Variants in PCDH15 observed in about 807,000 individuals in gnomAD.
The protein encoded by PCDH15 is protocadherin related 15, also known as protocadherin-15.
In PCDH15, 129 loss-of-function variants were observed where a neutral mutation model predicts 178.5. The observed-to-expected ratio is 0.72, with a 90% CI of 0.63 to 0.84. The LOEUF is 0.84. Among genes scored for constraint, PCDH15 ranks in the 40% least tolerant of loss-of-function variants. The pLI is 0.00. For synonymous variants in PCDH15, 800 were observed against 732.0 expected, an observed-to-expected ratio of 1.09 and a Z score of -1.50; for missense variants, 2,230 against 2,099.9, an observed-to-expected ratio of 1.06 and a Z score of -1.21.
At chr10:54,064,029 G>A (rs1224959569) in intron 18 of PCDH15, among the ~76,000 whole-genome samples, 2 of 152,176 alleles carry the variant, frequency 1.3e-5, no homozygotes, top group South Asian at 4.1e-4. Context: ...TGGGTCCCGA[G>A]TTTTTGGCCC....
At chr10:54,544,439 T>C (rs1431456427) in intron 2 of PCDH15, among the ~76,000 whole-genome samples, 2 of 150,056 alleles carry the variant, frequency 1.3e-5, no homozygotes, top group East Asian at 3.9e-4. Flanking sequence ...ATGTATAACA[T>C]ATGATGTGGA....
At chr10:53,869,559 C>T (rs1019415183) in intron 26 of PCDH15, among the ~76,000 whole-genome samples, 19 of 151,974 alleles carry the variant, frequency 1.3e-4, no homozygotes, top group African/African-American at 3.4e-4. Context: ...AAAGGAATAA[C>T]AAACATGCAA....
chr10:55,374,388 T>C (rs1295639251), intron 2 of PCDH15, among the ~76,000 whole-genome samples: 1 of 152,132 alleles, frequency 6.6e-6, no homozygotes, highest in Non-Finnish European at 1.5e-5. Flanking sequence ...TTTCTCTATG[T>C]GTGTAAAGCT....
At chr10:54,833,190 G>A (rs1953255211) in intron 3 of PCDH15, among the ~76,000 whole-genome samples, 2 of 152,058 alleles carry the variant, frequency 1.3e-5, no homozygotes, top group South Asian at 4.1e-4. Flanking sequence ...CTTTCAAGAA[G>A]AGTTTGGAAC....
Position 54,329,580 on chromosome 10 carries a change from G to T in PCDH15, c.705+16C>A. On this transcript the variant is annotated intron_variant, in intron 7 of 37. Coordinates refer to ENST00000644397, the MANE Select transcript of PCDH15 (RefSeq NM_001384140.1). Reference sequence around the variant, plus strand: ...ATAAATTCACAGAAGAAATTTAAAAGAAATTGAATACTCACATTAGCTTGG... The same window carrying T: ...ATAAATTCACAGAAGAAATTTAAAATAAATTGAATACTCACATTAGCTTGG... The T allele has an allele frequency of 1.3e-6, 2 of 1,531,324 alleles. No individual in the cohort carries two copies. The highest frequency in any genetic ancestry group is 9.0e-7 in the Non-Finnish European group (1 of 1,105,746). 94.9% of individuals were successfully genotyped at this position (1,531,324 alleles called of 1,614,324 possible). A position where few individuals can be genotyped will look rare whatever the true frequency, so the allele number is the denominator to read the frequency against.
chr10:54,779,486 ATGTATATATATACACACATATATGTG>A, intron 1 of PCDH15, among the ~76,000 whole-genome samples: 1 of 13,478 alleles, frequency 7.4e-5, no homozygotes, highest in Admixed American at 8.4e-4. Flanking sequence ...ACACATATAT[ATGTATATATATACACACATATATGTG>A]TGTATATATA....
At chr10:54,734,954 A>G (rs1943889232) in intron 1 of PCDH15, among the ~76,000 whole-genome samples, 1 of 152,012 alleles carries the variant, frequency 6.6e-6, no homozygotes, top group Non-Finnish European at 1.5e-5. Context: ...TGGTTACAAG[A>G]CTACATGTTT....
At chr10:54,987,313 C>A (rs1839396315) in intron 2 of PCDH15, among the ~76,000 whole-genome samples, 1 of 152,078 alleles carries the variant, frequency 6.6e-6, no homozygotes, top group South Asian at 2.1e-4. Flanking sequence ...GTGAAGAGTG[C>A]TGCAATAAAC....
intron 2 of PCDH15, among the ~76,000 whole-genome samples, chr10:55,166,334 G>T (rs1480504110): frequency 6.6e-6 from 1 of 152,074 alleles, no homozygotes; most frequent in East Asian, 1.9e-4. Context: ...TACTAAAAGA[G>T]AAACAACAGG....
At chr10:54,396,627 GT>G (rs1951263826) in intron 3 of PCDH15, among the ~76,000 whole-genome samples, 1 of 151,982 alleles carries the variant, frequency 6.6e-6, no homozygotes, top group Non-Finnish European at 1.5e-5. Context: ...TTAAAAATCA[GT>G]CTCTGTGTTA....
intron 21 of PCDH15, among the ~76,000 whole-genome samples, chr10:53,979,027 C>A (rs780179822): frequency 2.0e-5 from 3 of 152,168 alleles, no homozygotes; most frequent in Non-Finnish European, 4.4e-5. Flanking sequence ...CTGTTCCAAC[C>A]TCTGCCTGTT....
chr10:54,358,871 T>G (rs1945505957), intron 5 of PCDH15, among the ~76,000 whole-genome samples: 1 of 151,784 alleles, frequency 6.6e-6, no homozygotes, highest in African/African-American at 2.4e-5. Context: ...GGGACATGGA[T>G]GAAACTGGAA....
In PCDH15 at chr10:54,185,256, C is replaced by G; in HGVS notation, c.1318G>C (p.Glu440Gln). ...DKDIEDTKDP[E>Q]LHLFLNDYTS... ...TAGTCATTCAGAAAAAGGTGAAGCTCTGGGTCTTTTGTCTTTGAAAAAAAA... is the reference window on the plus strand; with the variant it reads ...TAGTCATTCAGAAAAAGGTGAAGCTGTGGGTCTTTTGTCTTTGAAAAAAAA... Residue 440 changes from glutamate (E) to glutamine (Q), a missense_variant, in exon 12 of 38, where the codon GAG becomes CAG. Physicochemically the swap from Glu to Gln is conservative, Grantham distance 29 (BLOSUM62 2). Transcript: ENST00000644397. The G allele has an allele frequency of 6.2e-7, 1 of 1,613,358 alleles. No homozygotes were observed. The highest frequency in any genetic ancestry group is 8.5e-7 in the Non-Finnish European group (1 of 1,179,590).
At chr10:54,629,608 A>G (rs888593987) in intron 2 of PCDH15, among the ~76,000 whole-genome samples, 1 of 152,128 alleles carries the variant, frequency 6.6e-6, no homozygotes, top group Admixed American at 6.6e-5. Flanking sequence ...GATAGGAACC[A>G]TGTGTGACAA....
chr10:54,125,950 C>A (rs1011131079), intron 15 of PCDH15, among the ~76,000 whole-genome samples: 3 of 151,980 alleles, frequency 2.0e-5, no homozygotes, highest in Non-Finnish European at 4.4e-5. Flanking sequence ...TTTTACATTT[C>A]ATTTTTTTAT....
chr10:53,816,160 G>A, intron 35 of PCDH15, 79 bp downstream of exon 35: 1 of 398,098 alleles, frequency 2.5e-6, no homozygotes, highest in South Asian at 1.3e-4. Flanking sequence ...CACCCACTCT[G>A]CCTACAAGAA....
chr10:53,964,378 TTA>T (rs370038336), intron 21 of PCDH15, among the ~76,000 whole-genome samples: 1 of 39,226 alleles, frequency 2.5e-5, no homozygotes. Flanking sequence ...ATAAAAAAAT[TTA>T]TTTATAAATT....
chr10:55,548,083 G>A (rs1841928914), intron 2 of PCDH15, among the ~76,000 whole-genome samples: 1 of 151,810 alleles, frequency 6.6e-6, no homozygotes, highest in Non-Finnish European at 1.5e-5. Flanking sequence ...AAATCCAGAT[G>A]AAAGTCAGAC....
intron 2 of PCDH15, among the ~76,000 whole-genome samples, chr10:55,117,352 T>C (rs186591193): frequency 1.1e-4 from 17 of 152,304 alleles, no homozygotes; most frequent in Admixed American, 9.8e-4. Context: ...ATTAACATTA[T>C]CCAGAGTGTT....
Sources: gnomAD v4.1 joint callset for allele counts (sites outside exome capture counted in the v4.1 genomes callset) on GRCh38, gnomAD v4.1.1 for gene constraint, MANE v1.5 for transcripts, NCBI Gene and HGNC (gene_info 2026-07-23, HGNC 2026-07-21) for gene names.